Variants in SYTL5 observed in about 807,000 individuals in gnomAD.
SYTL5 encodes the protein synaptotagmin-like protein 5.
A neutral mutation model predicts 55.9 loss-of-function variants in SYTL5; 34 were observed. That is an observed-to-expected ratio of 0.61 (90% CI 0.46 to 0.81). The LOEUF is 0.81. Among genes scored for constraint, SYTL5 ranks in the 30% least tolerant of loss-of-function variants. The probability of loss-of-function intolerance (pLI) is 0.00; values close to 1 mark genes in which losing one functional copy is unlikely to be tolerated. For synonymous variants in SYTL5, 221 were observed against 188.7 expected (o/e 1.17, Z -1.40); for missense variants, 637 against 546.7 (o/e 1.17, Z -1.65).
chrX:38,106,985 A>T (rs984013745), intron 11 of SYTL5, among the ~76,000 whole-genome samples: 1 of 112,669 alleles, frequency 8.9e-6, no homozygotes, highest in Non-Finnish European at 1.9e-5. Flanking sequence ...AACATAATTC[A>T]GGATTGACAT....
chrX:37,895,505 TTTTTC>T, the SYTL5 span, among the ~76,000 whole-genome samples: 1,289 of 99,270 alleles, frequency 0.013, 29 homozygotes, highest in African/African-American at 0.05. Context: ...TCTTTCTTTC[TTTTTC>T]TTTTCTTTTC....
intron 1 of SYTL5, among the ~76,000 whole-genome samples, chrX:38,025,389 T>G (rs915593034): frequency 1.8e-5 from 2 of 112,349 alleles, no homozygotes; most frequent in African/African-American, 6.5e-5. Flanking sequence ...TTTTTAGGTG[T>G]GTGTTACTCA....
At chrX:37,999,283 A>G in the SYTL5 span, among the ~76,000 whole-genome samples, 2 of 112,565 alleles carry the variant, frequency 1.8e-5, no homozygotes, top group Admixed American at 9.4e-5. Flanking sequence ...ATTGTATTCT[A>G]TTATTTTAGG....
chrX:38,017,018 A>G (rs1292765225), intron 1 of SYTL5, among the ~76,000 whole-genome samples: 2 of 111,629 alleles, frequency 1.8e-5, no homozygotes, highest in African/African-American at 6.5e-5. Context: ...TTTTTTCCTT[A>G]TGTCTTAGTC....
chrX:37,898,513 C>A, the SYTL5 span, among the ~76,000 whole-genome samples: 3 of 112,123 alleles, frequency 2.7e-5, no homozygotes, highest in Admixed American at 9.4e-5. Context: ...AGCACTCAAT[C>A]TTTTTTTCTT....
the SYTL5 span, among the ~76,000 whole-genome samples, chrX:37,939,979 G>T: frequency 2.4e-4 from 27 of 110,499 alleles, no homozygotes; most frequent in African/African-American, 8.0e-4. Context: ...CTACAGGCGT[G>T]CGCCACCATG....
the SYTL5 span, among the ~76,000 whole-genome samples, chrX:37,977,456 G>A: frequency 9.1e-6 from 1 of 110,454 alleles, no homozygotes; most frequent in African/African-American, 3.3e-5. Context: ...TTGTGACAGA[G>A]CATAGAATGT....
chrX:37,945,066 T>C, the SYTL5 span, among the ~76,000 whole-genome samples: 4 of 113,190 alleles, frequency 3.5e-5, no homozygotes, highest in Non-Finnish European at 7.5e-5. Flanking sequence ...TAAATTGTAC[T>C]GTGTTCTTGA....
At chrX:37,953,393 T>C in the SYTL5 span, among the ~76,000 whole-genome samples, 223 of 111,380 alleles carry the variant, frequency 2.0e-3, 2 homozygotes, top group African/African-American at 6.5e-3. Context: ...AAATAAGAAT[T>C]TGATTTAAGC....
the SYTL5 span, among the ~76,000 whole-genome samples, chrX:37,973,708 C>T: frequency 9.1e-6 from 1 of 110,147 alleles, no homozygotes; most frequent in Non-Finnish European, 1.9e-5. Flanking sequence ...GATCTCGGCT[C>T]ACTGCAACCT....
intron 1 of SYTL5, among the ~76,000 whole-genome samples, chrX:38,008,180 C>T (rs922379745): frequency 3.6e-5 from 4 of 111,787 alleles, no homozygotes; most frequent in African/African-American, 1.3e-4. Context: ...TTTTGCCATC[C>T]TGCGTAAGCA....
At chrX:37,910,802 CCTTT>C in the SYTL5 span, among the ~76,000 whole-genome samples, 1 of 111,536 alleles carries the variant, frequency 9.0e-6, no homozygotes, top group Non-Finnish European at 1.9e-5. Flanking sequence ...CAAGAATTTG[CCTTT>C]CTAACAAGTT....
At chrX:38,004,527 T>C (rs763547412), upstream of SYTL5, among the ~76,000 whole-genome samples, 1 of 111,744 alleles carries the variant, frequency 8.9e-6, no homozygotes, top group Non-Finnish European at 1.9e-5. Flanking sequence ...GCAATATAAA[T>C]GTCCATCAAC....
chrX:38,008,511 C>A (rs948845781), intron 1 of SYTL5, among the ~76,000 whole-genome samples: 1 of 111,380 alleles, frequency 9.0e-6, no homozygotes, highest in Admixed American at 9.6e-5. Flanking sequence ...AGTTAGCAAC[C>A]GCTGTGGTTA....
At chrX:37,997,667 C>T in the SYTL5 span, among the ~76,000 whole-genome samples, 2 of 112,314 alleles carry the variant, frequency 1.8e-5, no homozygotes, top group Admixed American at 9.3e-5. Flanking sequence ...CAGTGCTGGC[C>T]TGCAGATATC....
chrX:38,011,027 C>T (rs2147096374), intron 1 of SYTL5, among the ~76,000 whole-genome samples: 1 of 111,458 alleles, frequency 9.0e-6, no homozygotes, highest in East Asian at 2.8e-4. Context: ...AGCCCAGCAC[C>T]AGAGGCAATT....
rs145626244 is a variant in SYTL5, at chrX:38,102,295, A to G, written c.1063-47A>G. 1,756 of 913,367 alleles carry G rather than the reference A, an allele frequency of 1.9e-3. 26 individuals carry two copies. In the African/African-American group the frequency reaches 0.031, roughly 16 times the overall value. The allele number at this position is 913,367 out of a possible 1,213,427, so 75.3% of individuals were successfully genotyped here. A position where few individuals can be genotyped will look rare whatever the true frequency, so the allele number is the denominator to read the frequency against. On this transcript the variant is annotated intron_variant, in intron 9 of 16. Transcript: ENST00000297875. ...GGTTTCTCAAGTGAAAAAACATTCT[A>G]GAAAAACAAATCAACCAACCCACTG...
the SYTL5 span, among the ~76,000 whole-genome samples, chrX:37,942,562 C>T: frequency 8.9e-6 from 1 of 111,843 alleles, no homozygotes; most frequent in Non-Finnish European, 1.9e-5. Context: ...TGGTATAGCA[C>T]CATTCTCTGC....
At chrX:37,924,214 G>A in the SYTL5 span, among the ~76,000 whole-genome samples, 1 of 111,535 alleles carries the variant, frequency 9.0e-6, no homozygotes, top group Non-Finnish European at 1.9e-5. Context: ...GCTACGTAGG[G>A]CATCCAGCTT....
Sources: gnomAD v4.1 joint callset for allele counts (sites outside exome capture counted in the v4.1 genomes callset) on GRCh38, gnomAD v4.1.1 for gene constraint, MANE v1.5 for transcripts, NCBI Gene and HGNC (gene_info 2026-07-23, HGNC 2026-07-21) for gene names.